Variants in STAG2 observed in about 807,000 individuals in gnomAD.
STAG2 encodes the protein STAG2 cohesin complex component, also known as cohesin subunit SA-2.
A neutral mutation model predicts 108.1 loss-of-function variants in STAG2; 14 were observed. The ratio of observed to expected loss-of-function variants is 0.13; its 90% CI spans 0.09 to 0.20. STAG2 has a LOEUF of 0.20. Among genes scored for constraint, STAG2 ranks in the 10% least tolerant of loss-of-function variants. STAG2 has a pLI of 1.00. For synonymous variants in STAG2, 307 were observed against 302.7 expected, an observed-to-expected ratio of 1.01 and a Z score of -0.15; for missense variants, 440 against 940.9, an observed-to-expected ratio of 0.47 and a Z score of 6.96.
chrX:124,049,130 C>A (rs2148210841), intron 10 of STAG2, 52 bp downstream of exon 10: 1 of 974,693 alleles, frequency 1.0e-6, no homozygotes, highest in Non-Finnish European at 1.4e-6. Flanking sequence ...TTCTACTCAG[C>A]AAGTTTGCAT....
rs777897092 is a variant in STAG2, at chrX:124,032,641, A to G, written c.288+1516A>G. Among the ~76,000 whole-genome samples the G allele has an allele frequency of 5.4e-5, 6 of 111,192 alleles. No homozygotes were observed. The South Asian group carries it at 1.1e-3, about 21-fold the overall frequency. ...CTATGTTTTCCACATTTGTGTCCAC[A>G]TGTGCTCAATATTTAGCTTCCACTT... On this transcript the variant is annotated intron_variant, in intron 5 of 34. Transcript: ENST00000371145.
chrX:124,075,889 A>T (rs1316185555), intron 25 of STAG2, among the ~76,000 whole-genome samples: 2 of 111,540 alleles, frequency 1.8e-5, no homozygotes, highest in Non-Finnish European at 3.8e-5. Flanking sequence ...CTAGCTGAAT[A>T]TATGTACAAA....
chrX:124,037,347 T>C (rs986398283), intron 5 of STAG2, among the ~76,000 whole-genome samples, 180 bp from the exon 6 acceptor site: 9 of 112,205 alleles, frequency 8.0e-5, no homozygotes, highest in Admixed American at 7.6e-4. Context: ...GATAATTGTT[T>C]TACTGAATTC....
At chrX:123,997,208 A>C (rs776411464) in intron 1 of STAG2, among the ~76,000 whole-genome samples, 2 of 112,216 alleles carry the variant, frequency 1.8e-5, no homozygotes, top group Non-Finnish European at 3.8e-5. Flanking sequence ...TGGTTATTCT[A>C]ACTTCTTTGC....
chrX:124,036,455 G>C (rs958304985), intron 5 of STAG2, among the ~76,000 whole-genome samples: 1 of 111,844 alleles, frequency 8.9e-6, no homozygotes, highest in Admixed American at 9.5e-5. Flanking sequence ...TGCGACCTCA[G>C]CTCACTGCAG....
At chrX:124,002,906 T>C (rs1208203097) in intron 1 of STAG2, among the ~76,000 whole-genome samples, 2 of 106,002 alleles carry the variant, frequency 1.9e-5, no homozygotes, top group Non-Finnish European at 3.9e-5. Context: ...TCCACCCGCC[T>C]AGGCCTCCCA....
intron 1 of STAG2, among the ~76,000 whole-genome samples, chrX:123,988,204 A>G (rs766598244): frequency 8.9e-6 from 1 of 111,964 alleles, no homozygotes; most frequent in Non-Finnish European, 1.9e-5. Context: ...TGTGGTTTAT[A>G]GTATATTGTA....
At chrX:124,070,693 A>G (rs1219873190) in intron 24 of STAG2, among the ~76,000 whole-genome samples, 1 of 111,877 alleles carries the variant, frequency 8.9e-6, no homozygotes, top group Non-Finnish European at 1.9e-5. Context: ...CTATTCTAAT[A>G]CTTATCTCTT....
rs1030014774 is a variant in STAG2 at position 124,077,939 on chromosome X, G to C, written c.2674-18G>C. Reference sequence around the variant, plus strand: ...GTTTTAAGAGATAAAGCTCTAATTTGTACAAATTTCTTTATAGTATTATAA... The same window carrying C: ...GTTTTAAGAGATAAAGCTCTAATTTCTACAAATTTCTTTATAGTATTATAA... On this transcript the variant is annotated intron_variant, in intron 26 of 34. Coordinates refer to ENST00000371145, the MANE Select transcript of STAG2 (RefSeq NM_001042750.2). 4.8e-6 allele frequency: 5 copies of C among 1,046,034 alleles called. No homozygotes were observed. Among genetic ancestry groups the C allele is most frequent in the Non-Finnish European group, 6.4e-6 (5 of 781,451 alleles). The allele number at this position is 1,046,034 out of a possible 1,213,427, so 86.2% of individuals were successfully genotyped here.
intron 3 of STAG2, among the ~76,000 whole-genome samples, chrX:124,023,656 G>A (rs1481511889): frequency 9.0e-6 from 1 of 111,467 alleles, no homozygotes; most frequent in Non-Finnish European, 1.9e-5. Flanking sequence ...GAGGAATTAA[G>A]TTAGGTACTT....
chrX:124,011,059 C>G (rs1426402309), intron 1 of STAG2, among the ~76,000 whole-genome samples: 1 of 111,324 alleles, frequency 9.0e-6, no homozygotes, highest in Non-Finnish European at 1.9e-5. Context: ...TGTCATCTTT[C>G]ATTTCAGCAG....
At chrX:124,094,407 T>C (rs1271955855) in intron 33 of STAG2, among the ~76,000 whole-genome samples, 1 of 111,729 alleles carries the variant, frequency 9.0e-6, no homozygotes, top group Non-Finnish European at 1.9e-5. Flanking sequence ...AAAGGGTATA[T>C]TTTGATTAAT....
chrX:124,056,731 T>TG (rs1556528021), intron 14 of STAG2, among the ~76,000 whole-genome samples: 4 of 42,381 alleles, frequency 9.4e-5, no homozygotes, highest in African/African-American at 3.8e-4. Context: ...AGACTCCATC[T>TG]AAAAAAAAAA....
At chrX:124,059,960 C>T (rs954858410) in intron 15 of STAG2, among the ~76,000 whole-genome samples, 6 of 111,659 alleles carry the variant, frequency 5.4e-5, no homozygotes, top group Non-Finnish European at 7.5e-5. Context: ...CAGCACGTGG[C>T]CCGGTTTGCC....
chrX:124,001,586 T>C (rs184266495), intron 1 of STAG2, among the ~76,000 whole-genome samples: 208 of 111,769 alleles, frequency 1.9e-3, no homozygotes, highest in Middle Eastern at 9.3e-3. Flanking sequence ...ATCTTTTATA[T>C]GGTATTTTTA....
At chrX:123,990,102 T>C (rs1052966592) in intron 1 of STAG2, among the ~76,000 whole-genome samples, 4 of 111,788 alleles carry the variant, frequency 3.6e-5, no homozygotes, top group African/African-American at 1.3e-4. Flanking sequence ...CAGATATTTA[T>C]TGAAAATGAA....
rs1044790442 is a variant in STAG2 at position 124,093,492 on chromosome X, T to A, written c.3579-526T>A. ...TTCATCTTTTTTTTTTTTTTTTTTTTAACATCCATAGGACACAGTAGAAGC... is the reference window on the plus strand; with the variant it reads ...TTCATCTTTTTTTTTTTTTTTTTTTAAACATCCATAGGACACAGTAGAAGC... On this transcript the variant is annotated intron_variant, in intron 32 of 34. Transcript: ENST00000371145. Among the ~76,000 whole-genome samples, 94 of 100,477 alleles carry A rather than the reference T, an allele frequency of 9.4e-4. No individual in the cohort carries two copies. In the Middle Eastern group the frequency reaches 0.022, roughly 24 times the overall value. 87.3% of individuals were successfully genotyped at this position (100,477 alleles called of 115,157 possible).
At chrX:124,012,399 G>C (rs1411343581) in intron 1 of STAG2, among the ~76,000 whole-genome samples, 1 of 112,166 alleles carries the variant, frequency 8.9e-6, no homozygotes, top group African/African-American at 3.2e-5. Flanking sequence ...TGTTACCACT[G>C]TGTGGAATTA....
At chrX:124,073,727 T>A (rs1449100433) in intron 25 of STAG2, among the ~76,000 whole-genome samples, 3 of 112,025 alleles carry the variant, frequency 2.7e-5, no homozygotes, top group Admixed American at 1.9e-4. Flanking sequence ...CTGGCACTAT[T>A]TTCACTTTTA....
Sources: allele counts gnomAD v4.1 joint callset (sites outside exome capture counted in the v4.1 genomes callset), GRCh38; gene constraint gnomAD v4.1.1; transcripts MANE v1.5; gene names NCBI Gene and HGNC (gene_info 2026-07-23, HGNC 2026-07-21).